The following GIPC3 variants were observed in gnomAD, a reference collection of about 807,000 sequenced individuals.
GIPC3 encodes GIPC PDZ domain containing family member 3.
GIPC3 carries 16 observed loss-of-function variants against 27.3 expected under a neutral mutation model. The observed-to-expected ratio is 0.59, with a 90% confidence interval of 0.40 to 0.89. The LOEUF is 0.89. GIPC3 is among the 40% of genes least tolerant of loss of function. The pLI is 0.00. For synonymous variants in GIPC3, 194 were observed against 184.6 expected, an observed-to-expected ratio of 1.05 and a Z score of -0.41; for missense variants, 440 against 442.1, an observed-to-expected ratio of 1.00 and a Z score of 0.04.
chr19:3,593,307 C>T lies in GIPC3; in HGVS notation c.*3117C>T, dbSNP rs983641770. On this transcript the variant is annotated 3_prime_UTR_variant, in exon 6 of 6. Transcript: ENST00000644452. ...GCCGTAGCTTGGCTGTGACTTAGCCCTGGTTCATGTGGTTCTCGTCCTCTC... is the reference window on the plus strand; with the variant it reads ...GCCGTAGCTTGGCTGTGACTTAGCCTTGGTTCATGTGGTTCTCGTCCTCTC... The T allele has an allele frequency of 1.6e-6, 2 of 1,232,350 alleles. No individual in the cohort carries two copies. The highest frequency in any genetic ancestry group is 8.4e-5 in the Admixed American group (2 of 23,728). 76.3% of individuals were successfully genotyped at this position (1,232,350 alleles called of 1,614,324 possible).
rs2032370561 is a variant in GIPC3 at position 3,586,585 on chromosome 19, G to A, written c.316G>A (p.Val106Met). The A allele has an allele frequency of 6.2e-7, 1 of 1,613,822 alleles. No homozygotes were observed. The highest frequency in any genetic ancestry group is 1.1e-5 in the South Asian group (1 of 91,092). ...CCTGGAGGACTTCATCTTTGCCCACGTGCGAGGCGAGACCAAGGAGGTGGA... is the reference window on the plus strand; with the variant it reads ...CCTGGAGGACTTCATCTTTGCCCACATGCGAGGCGAGACCAAGGAGGTGGA... ...IGLEDFIFAH[V>M]RGETKEVEVT... Residue 106 changes from valine to methionine, a missense_variant, in exon 2 of 6, where the codon GTG becomes ATG. Coordinates refer to ENST00000644452, the MANE Select transcript of GIPC3 (RefSeq NM_133261.3).
In GIPC3 at chr19:3,588,152, G is replaced by C. The variant is rs368875876; in HGVS notation, c.592+1158G>C. Reference sequence around the variant, plus strand: ...CCCAACTAGCTGGGATTACAGGCATGTGCCACCATGCCTGGCTAATTTTGT... The same window carrying C: ...CCCAACTAGCTGGGATTACAGGCATCTGCCACCATGCCTGGCTAATTTTGT... On this transcript the variant is annotated intron_variant, in intron 3 of 5. Coordinates refer to ENST00000644452, the MANE Select transcript of GIPC3 (RefSeq NM_133261.3). Among the ~76,000 whole-genome samples the C allele has an allele frequency of 2.0e-5, 3 of 152,104 alleles. No homozygotes were observed. The South Asian group carries it at 6.2e-4, about 32-fold the overall frequency.
At chr19:3,586,250 C>T (rs1006296424) in intron 1 of GIPC3, among the ~76,000 whole-genome samples, 4 of 152,054 alleles carry the variant, frequency 2.6e-5, no homozygotes, top group Non-Finnish European at 5.9e-5. Context: ...TGGTTTGCAG[C>T]CCCCAGGGGG....
In GIPC3 at chr19:3,585,536, A is replaced by G; in HGVS notation, c.-62A>G. The G allele has an allele frequency of 9.0e-7, 1 of 1,108,368 alleles. No individual in the cohort carries two copies. 68.7% of individuals were successfully genotyped at this position (1,108,368 alleles called of 1,614,324 possible). A position where few individuals can be genotyped will look rare whatever the true frequency, so the allele number is the denominator to read the frequency against. On this transcript the variant is annotated 5_prime_UTR_variant, in exon 1 of 6. Coordinates refer to ENST00000644452, the MANE Select transcript of GIPC3 (RefSeq NM_133261.3). Reference sequence around the variant, plus strand: ...CCTGGGCCGGGGGAGGGGAGGCTGCAGGAAGCGGCGGATCCGGCGGCGGCG... The same window carrying G: ...CCTGGGCCGGGGGAGGGGAGGCTGCGGGAAGCGGCGGATCCGGCGGCGGCG...
Position 3,591,139 on chromosome 19 carries a change from G to T in GIPC3, c.*949G>T, listed in dbSNP as rs1426433645. 2.7e-5 allele frequency: 33 copies of T among 1,232,920 alleles called. No homozygotes were observed. Among genetic ancestry groups the T allele is most frequent in the Non-Finnish European group, 3.2e-5 (32 of 988,870 alleles). The allele number at this position is 1,232,920 out of a possible 1,614,324, so 76.4% of individuals were successfully genotyped here. On this transcript the variant is annotated 3_prime_UTR_variant, in exon 6 of 6. Transcript: ENST00000644452. The stretch of plus-strand genomic sequence containing the variant: ...AGCCCTGAGACCAAGCCCAGCTCTA[G>T]AACCCAGATAAGCTCTGAAACCAAT...
chr19:3,592,378 C>T lies in GIPC3; in HGVS notation c.*2188C>T. ...CCCAGCTCTGGGACCCAGATAAGCT[C>T]AAGAATTCAAGCCAGCTCTGGAAGT... is the stretch of plus-strand genomic sequence containing the variant. On this transcript the variant is annotated 3_prime_UTR_variant, in exon 6 of 6. Transcript: ENST00000644452. 8.1e-7 allele frequency: 1 copy of T among 1,232,088 alleles called. No individual in the cohort carries two copies. Among genetic ancestry groups the T allele is most frequent in the Non-Finnish European group, 1.0e-6 (1 of 987,988 alleles). 76.3% of individuals were successfully genotyped at this position (1,232,088 alleles called of 1,614,324 possible). A position where few individuals can be genotyped will look rare whatever the true frequency, so the allele number is the denominator to read the frequency against.
chr19:3,589,710 A>G lies in GIPC3; in HGVS notation c.706-121A>G. ...AAAGTGGGGCAATGATGTTGGTACC[A>G]GCACTACTGACTCGTGTGAGGGTCC... is the stretch of plus-strand genomic sequence containing the variant. On this transcript the variant is annotated intron_variant, in intron 4 of 5. Transcript: ENST00000644452. 3.6e-6 allele frequency: 4 copies of G among 1,123,668 alleles called. 1 individual carries two copies. In the South Asian group the frequency reaches 5.0e-5, roughly 14 times the overall value. The allele number at this position is 1,123,668 out of a possible 1,614,324, so 69.6% of individuals were successfully genotyped here. A position where few individuals can be genotyped will look rare whatever the true frequency, so the allele number is the denominator to read the frequency against.
intron 5 of GIPC3, 30 bp downstream of exon 5, chr19:3,589,942 TG>T (rs759985843): frequency 3.7e-6 from 6 of 1,613,338 alleles, no homozygotes; most frequent in African/African-American, 1.3e-5. Flanking sequence ...CAGGGGGCCC[TG>T]GGGGGAGGGA....
Position 3,593,159 on chromosome 19 carries a change from T to C in GIPC3, c.*2969T>C. The C allele has an allele frequency of 8.1e-7, 1 of 1,232,340 alleles. No homozygotes were observed. Among genetic ancestry groups the C allele is most frequent in the Non-Finnish European group, 1.0e-6 (1 of 988,162 alleles). The allele number at this position is 1,232,340 out of a possible 1,614,324, so 76.3% of individuals were successfully genotyped here. A position where few individuals can be genotyped will look rare whatever the true frequency, so the allele number is the denominator to read the frequency against. On this transcript the variant is annotated 3_prime_UTR_variant, in exon 6 of 6. Transcript: ENST00000644452. ...AGAAGTCCACCCCACCCACCATATC[T>C]GTCACTCCTAGTCCTGCCCCTAGGG...
At position 3,589,976 on chromosome 19, in the gene GIPC3, T is replaced by C; in HGVS notation, c.788-63T>C. Reference sequence around the variant, plus strand: ...GGAAGCCTACGGGAGGAGGCAGGGGTCCCAGCGGGAAGTTGGGCGCGGGGA... The same window carrying C: ...GGAAGCCTACGGGAGGAGGCAGGGGCCCCAGCGGGAAGTTGGGCGCGGGGA... On this transcript the variant is annotated intron_variant, in intron 5 of 5. Transcript: ENST00000644452. 3.7e-6 allele frequency: 6 copies of C among 1,612,778 alleles called. No individual in the cohort carries two copies. In the South Asian group the frequency reaches 5.5e-5, roughly 15 times the overall value.
rs1273054619 is a variant in GIPC3, at chr19:3,587,012, G to C, written c.592+18G>C. ...GGCCTTCGGTGAGGCGGGTGGGCTGGCGGGAGCTCTTCCCGAAGTGCGTTC... is the reference window on the plus strand; with the variant it reads ...GGCCTTCGGTGAGGCGGGTGGGCTGCCGGGAGCTCTTCCCGAAGTGCGTTC... On this transcript the variant is annotated intron_variant, in intron 3 of 5. Coordinates refer to ENST00000644452, the MANE Select transcript of GIPC3 (RefSeq NM_133261.3). The C allele has an allele frequency of 1.9e-6, 3 of 1,605,874 alleles. No individual in the cohort carries two copies. In the South Asian group the frequency reaches 3.3e-5, roughly 18 times the overall value.
In GIPC3 at chr19:3,589,902, C is replaced by A. The variant is rs1483168628; in HGVS notation, c.777C>A (p.Asp259Glu). 1 of 1,613,826 alleles carries A rather than the reference C, an allele frequency of 6.2e-7. No homozygotes were observed. The highest frequency in any genetic ancestry group is 1.3e-5 in the African/African-American group (1 of 75,032). Residue 259 changes from aspartate to glutamate, a missense_variant, in exon 5 of 6, where the codon GAC (aspartate) becomes GAA (glutamate). Transcript: ENST00000644452. ...TGGAAAGCTACATGGGCATTCGGGACCCCGAGCTGGGTAAGGGGCCAGGGT... is the reference window on the plus strand; with the variant it reads ...TGGAAAGCTACATGGGCATTCGGGAACCCGAGCTGGGTAAGGGGCCAGGGT... ...DLLESYMGIR[D>E]PELASTMVET...
In GIPC3 at chr19:3,590,657, CG is replaced by C. The variant is rs2032471780; in HGVS notation, c.*468del. The C allele has an allele frequency of 8.4e-7, 1 of 1,195,716 alleles. No homozygotes were observed. Among genetic ancestry groups the C allele is most frequent in the African/African-American group, 1.6e-5 (1 of 61,770 alleles). The allele number at this position is 1,195,716 out of a possible 1,614,324, so 74.1% of individuals were successfully genotyped here. On this transcript the variant is annotated 3_prime_UTR_variant, in exon 6 of 6. Transcript: ENST00000644452. ...CTAGAACTCAGATGGGCTCTGAGAC[CG>C]AGCCCAGCTCTAGAACTCAGATGGG...
Position 3,586,478 on chromosome 19 carries a change from CCTT to C in GIPC3, c.226-14_226-12del, listed in dbSNP as rs1568277083. On this transcript the variant is annotated splice_polypyrimidine_tract_variant and intron_variant, in intron 1 of 5. Coordinates refer to ENST00000644452, the MANE Select transcript of GIPC3 (RefSeq NM_133261.3). ...TGCATGCCCTGGCTAACTCTAGGCTCCTTCTCCCCCGGGAAGATTTTATTCTGC... is the reference window on the plus strand; with the variant it reads ...TGCATGCCCTGGCTAACTCTAGGCTCCTCCCCCGGGAAGATTTTATTCTGC... 3.1e-6 allele frequency: 5 copies of C among 1,612,004 alleles called. No homozygotes were observed. The highest frequency in any genetic ancestry group is 1.6e-4 in the Middle Eastern group (1 of 6,072).
chr19:3,592,429 T>C lies in GIPC3; in HGVS notation c.*2239T>C. ...CAGCTTAGTTCGGGAACCCAGCTGATTTCCGGAGCCCAACCCAGCTCCAGA... is the reference window on the plus strand; with the variant it reads ...CAGCTTAGTTCGGGAACCCAGCTGACTTCCGGAGCCCAACCCAGCTCCAGA... On this transcript the variant is annotated 3_prime_UTR_variant, in exon 6 of 6. Coordinates refer to ENST00000644452, the MANE Select transcript of GIPC3 (RefSeq NM_133261.3). The C allele has an allele frequency of 8.1e-7, 1 of 1,231,726 alleles. No individual in the cohort carries two copies. Among genetic ancestry groups the C allele is most frequent in the Non-Finnish European group, 1.0e-6 (1 of 987,912 alleles). 76.3% of individuals were successfully genotyped at this position (1,231,726 alleles called of 1,614,324 possible).
Position 3,589,908 on chromosome 19 carries a change from G to A in GIPC3, c.783G>A (p.Glu261=). 1 of 1,613,870 alleles carries A rather than the reference G, an allele frequency of 6.2e-7. No individual in the cohort carries two copies. The highest frequency in any genetic ancestry group is 1.1e-5 in the South Asian group (1 of 91,090). Residue 261 remains glutamate, a synonymous_variant, in exon 5 of 6, where the codon GAG becomes GAA. Transcript: ENST00000644452. ...GCTACATGGGCATTCGGGACCCCGA[G>A]CTGGGTAAGGGGCCAGGGTAAGCCA... ...LESYMGIRDP[E]LASTMVETSK...
rs1479172037 is a variant in GIPC3 at position 3,590,867 on chromosome 19, C to T, written c.*677C>T. 376 of 1,007,782 alleles carry T rather than the reference C, an allele frequency of 3.7e-4. 1 individual carries two copies. Among genetic ancestry groups the T allele is most frequent in the Admixed American group, 2.5e-3 (26 of 10,590 alleles). 62.4% of individuals were successfully genotyped at this position (1,007,782 alleles called of 1,614,324 possible). On this transcript the variant is annotated 3_prime_UTR_variant, in exon 6 of 6. Transcript: ENST00000644452. ...CCAGCTCTAGAACTCAGATGGGCTC[C>T]GAGACCAAGCCCAGCTCTAGAACCC...
chr19:3,589,571 G>A lies in GIPC3; in HGVS notation c.705+16G>A. 5.1e-6 allele frequency: 8 copies of A among 1,582,326 alleles called. No individual in the cohort carries two copies. The highest frequency in any genetic ancestry group is 2.2e-5 in the East Asian group (1 of 44,740). On this transcript the variant is annotated intron_variant, in intron 4 of 5. Transcript: ENST00000644452. ...GGAGGAAGCGGTGAGTGAAGGGGAG[G>A]GGCTCTCCCCAGGCTTCTGCACCTT... is the stretch of plus-strand genomic sequence containing the variant.
rs2032465551 is a variant in GIPC3, at chr19:3,590,409, C to A, written c.*219C>A. 7.0e-7 allele frequency: 1 copy of A among 1,432,638 alleles called. No homozygotes were observed. Among genetic ancestry groups the A allele is most frequent in the Non-Finnish European group, 9.1e-7 (1 of 1,097,934 alleles). 88.7% of individuals were successfully genotyped at this position (1,432,638 alleles called of 1,614,324 possible). ...AGCCCAGGCCAGCTCTGAGACCAAGCCCAGCATTGAGAATAAGCTCTGTTC... is the reference window on the plus strand; with the variant it reads ...AGCCCAGGCCAGCTCTGAGACCAAGACCAGCATTGAGAATAAGCTCTGTTC... On this transcript the variant is annotated 3_prime_UTR_variant, in exon 6 of 6. Transcript: ENST00000644452.
Sources: allele counts gnomAD v4.1 joint callset (sites outside exome capture counted in the v4.1 genomes callset), GRCh38; gene constraint gnomAD v4.1.1; transcripts MANE v1.5; gene names NCBI Gene and HGNC (gene_info 2026-07-23, HGNC 2026-07-21).